The following DOCK5 variants were observed in gnomAD, a reference collection of about 807,000 sequenced individuals.
DOCK5 encodes the protein dedicator of cytokinesis 5, also known as dedicator of cytokinesis protein 5.
Under a neutral mutation model 251.8 loss-of-function variants are expected in DOCK5, and 142 were observed. That is an observed-to-expected ratio of 0.56 (90% CI 0.49 to 0.65). The LOEUF is 0.65. DOCK5 is among the 30% of genes least tolerant of loss of function. The pLI is 0.00. For missense variants in DOCK5, 2,111 were observed against 2,312.3 expected, an observed-to-expected ratio of 0.91 and a Z score of 1.79; for synonymous variants, 842 against 835.5, an observed-to-expected ratio of 1.01 and a Z score of -0.13.
At chr8:25,226,732 C>T (rs1802544017) in intron 1 of DOCK5, among the ~76,000 whole-genome samples, 1 of 151,978 alleles carries the variant, frequency 6.6e-6, no homozygotes, top group African/African-American at 2.4e-5. Context: ...ACTACAGGCG[C>T]CCGCCACCAC....
chr8:25,299,156 C>T (rs2117163048), intron 8 of DOCK5, 55 bp downstream of exon 8: 3 of 1,576,414 alleles, frequency 1.9e-6, no homozygotes, highest in Non-Finnish European at 2.6e-6. Flanking sequence ...CCAGCCTTCC[C>T]CTGACCCCTA....
At chr8:25,235,764 A>G (rs1347081913) in intron 1 of DOCK5, among the ~76,000 whole-genome samples, 3 of 151,734 alleles carry the variant, frequency 2.0e-5, no homozygotes, top group Middle Eastern at 3.2e-3. Context: ...AAATATATGT[A>G]ATCTTTAAGA....
intron 13 of DOCK5, 44 bp downstream of exon 13, chr8:25,310,576 G>A (rs748996045): frequency 7.1e-6 from 11 of 1,549,500 alleles, no homozygotes; most frequent in Non-Finnish European, 8.7e-6. Flanking sequence ...CTCCTGTTCA[G>A]CGATTATTTC....
chr8:25,308,030 C>T (rs2117178118), intron 11 of DOCK5, among the ~76,000 whole-genome samples: 1 of 152,262 alleles, frequency 6.6e-6, no homozygotes, highest in Non-Finnish European at 1.5e-5. Flanking sequence ...TGTCAGGGTA[C>T]AGGGAACCCT....
intron 1 of DOCK5, among the ~76,000 whole-genome samples, chr8:25,240,088 A>G (rs1400113667): frequency 6.6e-6 from 1 of 152,152 alleles, no homozygotes; most frequent in Non-Finnish European, 1.5e-5. Flanking sequence ...TGTGGGATAT[A>G]CTGATGGACT....
intron 2 of DOCK5, among the ~76,000 whole-genome samples, chr8:25,247,052 A>T (rs756725000): frequency 6.6e-6 from 1 of 151,496 alleles, no homozygotes; most frequent in Non-Finnish European, 1.5e-5. Context: ...ACACCCAGCT[A>T]ATTTATTTAT....
rs529318017 is a variant in DOCK5, at chr8:25,220,980, G to T, written c.44-22694G>T. 5.9e-5 allele frequency among the ~76,000 whole-genome samples: 9 copies of T among 152,202 alleles called. No individual in the cohort carries two copies. In the East Asian group the frequency reaches 1.7e-3, roughly 30 times the overall value. On this transcript the variant is annotated intron_variant, in intron 1 of 51. Transcript: ENST00000276440. Reference sequence around the variant, plus strand: ...AGAAGGGATTGTTATCTGGACCTGTGGAGGGGGTGGGTAGGGATGGTGGTT... The same window carrying T: ...AGAAGGGATTGTTATCTGGACCTGTTGAGGGGGTGGGTAGGGATGGTGGTT...
chr8:25,320,886 T>C (rs1805406311), intron 15 of DOCK5, 94 bp from the exon 16 acceptor site: 2 of 1,072,384 alleles, frequency 1.9e-6, no homozygotes, highest in South Asian at 2.7e-5. Context: ...ATTTGTGCTG[T>C]GGAAAGTATA....
chr8:25,283,305 G>A (rs1804250286), intron 5 of DOCK5, among the ~76,000 whole-genome samples: 1 of 152,130 alleles, frequency 6.6e-6, no homozygotes, highest in Non-Finnish European at 1.5e-5. Context: ...GAGGAAGCGG[G>A]TTTTAGGAGA....
intron 1 of DOCK5, among the ~76,000 whole-genome samples, chr8:25,220,036 T>A (rs1802342191): frequency 9.4e-6 from 1 of 106,744 alleles, no homozygotes; most frequent in Admixed American, 1.1e-4. Context: ...TGTCCTTCTC[T>A]TTGTTTCACA....
At chr8:25,269,609 A>G (rs977600609) in intron 3 of DOCK5, among the ~76,000 whole-genome samples, 1 of 152,250 alleles carries the variant, frequency 6.6e-6, no homozygotes, top group Admixed American at 6.5e-5. Context: ...TGCCAAAACT[A>G]CTAATCGTCA....
At position 25,261,268 on chromosome 8, in the gene DOCK5, G is replaced by T. The variant is rs73673878; in HGVS notation, c.128-7577G>T. 3.9e-3 allele frequency among the ~76,000 whole-genome samples: 596 copies of T among 152,258 alleles called. 4 individuals carry two copies. Among genetic ancestry groups the T allele is most frequent in the African/African-American group, 0.014 (562 of 41,552 alleles). The stretch of plus-strand genomic sequence containing the variant: ...GTAAGATTTAGGACACGGAGACATT[G>T]AATACCCTGCTTTCCTAACATCTGT... On this transcript the variant is annotated intron_variant, in intron 2 of 51. Coordinates refer to ENST00000276440, the MANE Select transcript of DOCK5 (RefSeq NM_024940.8).
At chr8:25,223,667 G>A (rs770757988) in intron 1 of DOCK5, among the ~76,000 whole-genome samples, 8 of 152,298 alleles carry the variant, frequency 5.3e-5, no homozygotes, top group Non-Finnish European at 1.0e-4. Context: ...TGAAATAAGA[G>A]CGAGTGATAA....
chr8:25,227,283 A>C (rs1310459115), intron 1 of DOCK5, among the ~76,000 whole-genome samples: 1 of 152,180 alleles, frequency 6.6e-6, no homozygotes, highest in African/African-American at 2.4e-5. Flanking sequence ...GTGATCTTTC[A>C]AACATATAGT....
At position 25,340,857 on chromosome 8, in the gene DOCK5, T is replaced by G; in HGVS notation, c.2328-20T>G. 6.2e-7 allele frequency: 1 copy of G among 1,603,842 alleles called. No individual in the cohort carries two copies. The highest frequency in any genetic ancestry group is 8.5e-7 in the Non-Finnish European group (1 of 1,172,980). ...TTTAACAATGGAAAGTCCAACTGCT[T>G]TTGTCTTTTTCCTATTAAGATTTTA... On this transcript the variant is annotated intron_variant, in intron 22 of 51. Coordinates refer to ENST00000276440, the MANE Select transcript of DOCK5 (RefSeq NM_024940.8).
At chr8:25,362,963 T>C in intron 28 of DOCK5, 84 bp from the exon 29 acceptor site, 1 of 969,940 alleles carries the variant, frequency 1.0e-6, no homozygotes, top group Non-Finnish European at 1.6e-6. Context: ...TGTTCTGAGG[T>C]TGTGGTTCTG....
intron 44 of DOCK5, among the ~76,000 whole-genome samples, chr8:25,394,077 A>T (rs2709645): frequency 0.9 from 136,387 of 152,178 alleles, 62,949 homozygotes; most frequent in East Asian, 1. Flanking sequence ...AAAGAATAGC[A>T]GTATGTGGTG....
intron 3 of DOCK5, among the ~76,000 whole-genome samples, chr8:25,269,923 G>A (rs1803862665): frequency 1.3e-5 from 2 of 152,194 alleles, no homozygotes; most frequent in South Asian, 4.1e-4. Flanking sequence ...CAGATAGGCT[G>A]ATGTTACACA....
intron 1 of DOCK5, among the ~76,000 whole-genome samples, chr8:25,240,814 G>A (rs750866131): frequency 1.3e-5 from 2 of 152,124 alleles, no homozygotes; most frequent in Non-Finnish European, 2.9e-5. Context: ...AGACAGTGGG[G>A]GTTTATTCTC....
Sources: gnomAD v4.1 joint callset for allele counts (sites outside exome capture counted in the v4.1 genomes callset) on GRCh38, gnomAD v4.1.1 for gene constraint, MANE v1.5 for transcripts, NCBI Gene and HGNC (gene_info 2026-07-23, HGNC 2026-07-21) for gene names.